The following POFUT3 variants were observed in gnomAD, a reference collection of about 807,000 sequenced individuals.
The protein encoded by POFUT3 is GDP-fucose protein O-fucosyltransferase 3.
the POFUT3 span, among the ~76,000 whole-genome samples, chr8:33,327,462 G>A: frequency 1.4e-4 from 22 of 152,084 alleles, no homozygotes; most frequent in African/African-American, 4.8e-4. Flanking sequence ...GCATTTTGTG[G>A]GTATTCAATG....
the POFUT3 span, among the ~76,000 whole-genome samples, chr8:33,338,521 G>T: frequency 6.6e-6 from 1 of 152,188 alleles, no homozygotes; most frequent in Non-Finnish European, 1.5e-5. Flanking sequence ...CACATGAAAA[G>T]TGTGGACTTC....
chr8:33,312,240 C>A, the POFUT3 span, among the ~76,000 whole-genome samples: 3 of 145,372 alleles, frequency 2.1e-5, no homozygotes, highest in African/African-American at 7.8e-5. Context: ...CCAGCCTGGG[C>A]AACAGAGCAA....
At chr8:33,469,036 TG>T in the POFUT3 span, among the ~76,000 whole-genome samples, 1 of 152,222 alleles carries the variant, frequency 6.6e-6, no homozygotes, top group Non-Finnish European at 1.5e-5. Context: ...CCGGATGCAG[TG>T]GTGCATGCCT....
At chr8:33,454,503 T>A in the POFUT3 span, among the ~76,000 whole-genome samples, 2 of 152,150 alleles carry the variant, frequency 1.3e-5, no homozygotes, top group African/African-American at 4.8e-5. Flanking sequence ...ATCTGCAAAG[T>A]CTCTTTTGCC....
chr8:33,431,547 CAAAAAAAAAAAAAAAAAAAA>C, the POFUT3 span, among the ~76,000 whole-genome samples: 87 of 35,072 alleles, frequency 2.5e-3, 2 homozygotes, highest in East Asian at 0.014. Context: ...GACCCTGTCT[CAAAAAAAAAAAAAAAAAAAA>C]AAAAAAAAAA....
At chr8:33,313,354 A>T in the POFUT3 span, among the ~76,000 whole-genome samples, 10 of 152,196 alleles carry the variant, frequency 6.6e-5, no homozygotes, top group Non-Finnish European at 1.3e-4. Flanking sequence ...AGGATGTGTC[A>T]TTCCTCAGAA....
chr8:33,388,293 G>GAGGCTAA, the POFUT3 span, among the ~76,000 whole-genome samples: 1 of 150,406 alleles, frequency 6.6e-6, no homozygotes, highest in Non-Finnish European at 1.5e-5. Context: ...CATTGATGGA[G>GAGGCTAA]AGGCTAAAGG....
chr8:33,428,006 T>C, the POFUT3 span, among the ~76,000 whole-genome samples: 2 of 151,974 alleles, frequency 1.3e-5, no homozygotes, highest in African/African-American at 4.8e-5. Flanking sequence ...ATGCCTGTAA[T>C]CCCACTACTT....
the POFUT3 span, chr8:33,455,760 A>C: frequency 3.7e-5 from 17 of 454,158 alleles, no homozygotes; most frequent in African/African-American, 1.6e-4. Context: ...TTAGCAGCCA[A>C]GAGTGTTACC....
At chr8:33,354,595 C>T in the POFUT3 span, among the ~76,000 whole-genome samples, 2 of 152,120 alleles carry the variant, frequency 1.3e-5, no homozygotes, top group African/African-American at 2.4e-5. Context: ...TTTACTCAGT[C>T]TACTGAGTCA....
the POFUT3 span, among the ~76,000 whole-genome samples, chr8:33,415,286 A>G: frequency 1.3e-5 from 2 of 152,144 alleles, no homozygotes; most frequent in Non-Finnish European, 2.9e-5. Context: ...ATAAATAAAT[A>G]AACAAATCTA....
the POFUT3 span, chr8:33,455,631 C>A: frequency 3.6e-6 from 1 of 280,078 alleles, no homozygotes. Flanking sequence ...GTTTAGTAGA[C>A]TATGAAACAA....
the POFUT3 span, chr8:33,388,999 G>A: frequency 2.5e-6 from 4 of 1,614,140 alleles, no homozygotes; most frequent in Non-Finnish European, 2.5e-6. Context: ...ACACCTTGGT[G>A]CACACCATAC....
the POFUT3 span, among the ~76,000 whole-genome samples, chr8:33,385,056 C>T: frequency 6.6e-6 from 1 of 152,174 alleles, no homozygotes; most frequent in Non-Finnish European, 1.5e-5. Context: ...AAGGACAATA[C>T]TCTCTGGGTT....
chr8:33,329,538 A>G, the POFUT3 span, among the ~76,000 whole-genome samples: 1 of 152,170 alleles, frequency 6.6e-6, no homozygotes, highest in East Asian at 1.9e-4. Flanking sequence ...TCTATGACAC[A>G]ACTGCTCAAT....
At chr8:33,446,274 T>G in the POFUT3 span, among the ~76,000 whole-genome samples, 3 of 151,890 alleles carry the variant, frequency 2.0e-5, no homozygotes, top group African/African-American at 7.3e-5. Context: ...CTGGCCAGCA[T>G]GGTGAAATGC....
At chr8:33,456,100 C>A in the POFUT3 span, among the ~76,000 whole-genome samples, 20 of 152,268 alleles carry the variant, frequency 1.3e-4, no homozygotes, top group South Asian at 3.9e-3. Context: ...TGTGGCTCTC[C>A]CCAGTAGTTT....
the POFUT3 span, among the ~76,000 whole-genome samples, chr8:33,332,953 C>T: frequency 2.0e-5 from 3 of 152,130 alleles, no homozygotes; most frequent in Non-Finnish European, 4.4e-5. Context: ...CGGGCTTGAG[C>T]TTGTATAGAA....
chr8:33,361,958 C>T, the POFUT3 span, among the ~76,000 whole-genome samples: 12 of 152,104 alleles, frequency 7.9e-5, no homozygotes, highest in African/African-American at 2.7e-4. Context: ...TCCCAAGACA[C>T]GTAATTGTCA....
Sources: allele counts gnomAD v4.1 joint callset (sites outside exome capture counted in the v4.1 genomes callset), GRCh38; gene constraint gnomAD v4.1.1; transcripts MANE v1.5; gene names NCBI Gene and HGNC (gene_info 2026-07-23, HGNC 2026-07-21).